DLGAP2: variants seen among roughly 807,000 people sequenced by gnomAD.
The protein encoded by DLGAP2 is disks large-associated protein 2.
A neutral mutation model predicts 100.3 loss-of-function variants in DLGAP2; 26 were observed. The ratio of observed to expected loss-of-function variants is 0.26; its 90% CI spans 0.19 to 0.36. The LOEUF (loss-of-function observed/expected upper bound fraction) is 0.36. Among genes scored for constraint, DLGAP2 ranks in the 10% least tolerant of loss-of-function variants. The pLI is 1.00. For missense variants in DLGAP2, 1,858 were observed against 1,453.2 expected, an observed-to-expected ratio of 1.28 and a Z score of -4.53; for synonymous variants, 886 against 630.1, an observed-to-expected ratio of 1.41 and a Z score of -6.08.
chr8:1,564,979 C>G (rs1399344409), intron 5 of DLGAP2, among the ~76,000 whole-genome samples: 3 of 152,202 alleles, frequency 2.0e-5, no homozygotes, highest in Non-Finnish European at 4.4e-5. Flanking sequence ...CAGGTCTGCA[C>G]CAGGCAGACA....
intron 2 of DLGAP2, among the ~76,000 whole-genome samples, chr8:1,000,082 G>A (rs941626170): frequency 6.8e-6 from 1 of 146,842 alleles, no homozygotes; most frequent in Non-Finnish European, 1.5e-5. Flanking sequence ...CCGGGTGGAG[G>A]TGGTTTTCTT....
At position 945,277 on chromosome 8, in the gene DLGAP2, T is replaced by C. The variant is rs540004901; in HGVS notation, c.73+37311T>C. On this transcript the variant is annotated intron_variant, in intron 2 of 14. Coordinates refer to ENST00000637795, the MANE Select transcript of DLGAP2 (RefSeq NM_001346810.2). ...CTTCCCTGCACTCCTGTCTATGTCC[T>C]CCCTCCTGGGAGTGGATCTATGCAT... 9.2e-5 allele frequency among the ~76,000 whole-genome samples: 14 copies of C among 152,282 alleles called. No homozygotes were observed. In the South Asian group the frequency reaches 2.9e-3, roughly 32 times the overall value.
chr8:1,633,140 A>T (rs1797691676), intron 8 of DLGAP2, 94 bp downstream of exon 8: 1 of 1,180,988 alleles, frequency 8.5e-7, no homozygotes, highest in African/African-American at 1.5e-5. Context: ...GCACCACAGT[A>T]CAATGTACTC....
intron 2 of DLGAP2, among the ~76,000 whole-genome samples, chr8:932,344 G>A (rs1323104445): frequency 8.5e-5 from 13 of 152,100 alleles, no homozygotes; most frequent in Admixed American, 6.5e-4. Context: ...CTCATGATCC[G>A]GTTCTTTTCT....
At chr8:1,201,884 C>T (rs1175895181) in intron 2 of DLGAP2, among the ~76,000 whole-genome samples, 1 of 152,004 alleles carries the variant, frequency 6.6e-6, no homozygotes, top group Non-Finnish European at 1.5e-5. Context: ...TGTGTGTAAG[C>T]ATGTGGTGTG....
chr8:1,094,863 C>T (rs375025908), intron 2 of DLGAP2, among the ~76,000 whole-genome samples: 2 of 152,298 alleles, frequency 1.3e-5, no homozygotes, highest in African/African-American at 4.8e-5. Context: ...ACGTCCTGAC[C>T]CCTTGGGCGA....
intron 3 of DLGAP2, among the ~76,000 whole-genome samples, chr8:1,497,250 G>A (rs1799575460): frequency 6.6e-6 from 1 of 152,212 alleles, no homozygotes; most frequent in Non-Finnish European, 1.5e-5. Flanking sequence ...GGAAATGTGA[G>A]GTCAGAGGTC....
At chr8:783,530 A>G (rs139875844) in intron 1 of DLGAP2, among the ~76,000 whole-genome samples, 135 of 152,356 alleles carry the variant, frequency 8.9e-4, no homozygotes, top group Non-Finnish European at 1.7e-3. Flanking sequence ...AGACTTCACA[A>G]TATGGTGCTC....
intron 7 of DLGAP2, among the ~76,000 whole-genome samples, chr8:1,627,851 G>C (rs985206265): frequency 6.6e-6 from 1 of 150,840 alleles, no homozygotes; most frequent in Non-Finnish European, 1.5e-5. Flanking sequence ...AGCCTGAGCC[G>C]ACCTCACATT....
At chr8:993,972 G>C (rs11775874) in intron 2 of DLGAP2, among the ~76,000 whole-genome samples, 1 of 152,030 alleles carries the variant, frequency 6.6e-6, no homozygotes, top group South Asian at 2.1e-4. Flanking sequence ...AGTAGACTTA[G>C]TATAGAGAAT....
At chr8:1,591,061 C>G (rs75375819) in intron 6 of DLGAP2, among the ~76,000 whole-genome samples, 1 of 152,288 alleles carries the variant, frequency 6.6e-6, no homozygotes, top group Non-Finnish European at 1.5e-5. Flanking sequence ...CTTCCGTGCT[C>G]GGGACCCAAC....
rs1480379169 is a variant in DLGAP2 at position 1,703,035 on chromosome 8, TG to T, written c.*1631del. 6.5e-6 allele frequency: 1 copy of T among 152,758 alleles called. No homozygotes were observed. Among genetic ancestry groups the T allele is most frequent in the Non-Finnish European group, 1.5e-5 (1 of 68,108 alleles). The allele number at this position is 152,758 out of a possible 1,614,324, so 9.5% of individuals were successfully genotyped here. ...GCTGGCAGGGCGTTCGATGTGCGGTTGGCCCCCAGCGCGCCCTCCAGAGCTG... is the reference window on the plus strand; with the variant it reads ...GCTGGCAGGGCGTTCGATGTGCGGTTGCCCCCAGCGCGCCCTCCAGAGCTG... On this transcript the variant is annotated 3_prime_UTR_variant, in exon 15 of 15. Coordinates refer to ENST00000637795, the MANE Select transcript of DLGAP2 (RefSeq NM_001346810.2).
intron 3 of DLGAP2, among the ~76,000 whole-genome samples, chr8:1,453,930 A>T (rs1798233070): frequency 6.6e-6 from 1 of 152,218 alleles, no homozygotes; most frequent in Non-Finnish European, 1.5e-5. Flanking sequence ...ATGTCTTGGA[A>T]TGTGGACATG....
At chr8:880,388 T>G (rs1797764702) in intron 1 of DLGAP2, among the ~76,000 whole-genome samples, 1 of 152,212 alleles carries the variant, frequency 6.6e-6, no homozygotes, top group African/African-American at 2.4e-5. Context: ...GTGTCCACAC[T>G]CACACACAGA....
At chr8:1,584,995 GAC>G (rs1248390337) in intron 6 of DLGAP2, among the ~76,000 whole-genome samples, 1 of 151,848 alleles carries the variant, frequency 6.6e-6, no homozygotes, top group Non-Finnish European at 1.5e-5. Flanking sequence ...TACAATGAAA[GAC>G]AAATTAAAAA....
intron 2 of DLGAP2, among the ~76,000 whole-genome samples, chr8:961,073 T>C (rs559192230): frequency 2.4e-4 from 36 of 148,814 alleles, no homozygotes; most frequent in South Asian, 1.0e-3. Flanking sequence ...CTCTCTCATG[T>C]TGCCTGTGAA....
At chr8:783,858 G>A (rs1474713784) in intron 1 of DLGAP2, among the ~76,000 whole-genome samples, 1 of 152,122 alleles carries the variant, frequency 6.6e-6, no homozygotes, top group Non-Finnish European at 1.5e-5. Context: ...TAATCAATGG[G>A]CGAAACTTAT....
At chr8:1,170,693 G>C (rs944047861) in intron 2 of DLGAP2, among the ~76,000 whole-genome samples, 2 of 148,088 alleles carry the variant, frequency 1.4e-5, no homozygotes, top group African/African-American at 4.9e-5. Flanking sequence ...AATATTCTCT[G>C]ATGGTAGTTT....
At chr8:1,602,476 C>T (rs1300320755) in intron 6 of DLGAP2, among the ~76,000 whole-genome samples, 1 of 152,198 alleles carries the variant, frequency 6.6e-6, no homozygotes, top group Non-Finnish European at 1.5e-5. Flanking sequence ...TTCATGCAGC[C>T]ATGTTGCCCA....
Sources: gnomAD v4.1 joint callset for allele counts (sites outside exome capture counted in the v4.1 genomes callset) on GRCh38, gnomAD v4.1.1 for gene constraint, MANE v1.5 for transcripts, NCBI Gene and HGNC (gene_info 2026-07-23, HGNC 2026-07-21) for gene names.